The following TMCC1 variants were observed in gnomAD, a reference collection of about 807,000 sequenced individuals.
The protein encoded by TMCC1 is transmembrane and coiled-coil domains protein 1.
A neutral mutation model predicts 52.4 loss-of-function variants in TMCC1; 15 were observed. The observed-to-expected ratio is 0.29, with a 90% CI of 0.19 to 0.44. The LOEUF is 0.44. Among genes scored for constraint, TMCC1 ranks in the 20% least tolerant of loss-of-function variants. The pLI is 1.00. For synonymous variants in TMCC1, 279 were observed against 301.9 expected (o/e 0.92, Z 0.79); for missense variants, 503 against 806.0 (o/e 0.62, Z 4.55).
intron 4 of TMCC1, among the ~76,000 whole-genome samples, chr3:129,689,719 C>T (rs549964710): frequency 1.3e-5 from 2 of 152,270 alleles, no homozygotes; most frequent in South Asian, 2.1e-4. Flanking sequence ...GCCCTCTGAA[C>T]GGAATCCAAA....
intron 4 of TMCC1, among the ~76,000 whole-genome samples, chr3:129,758,580 TGGAGTATCTTTATGTTAGTATCATAAA>T (rs1259866506): frequency 1.3e-5 from 2 of 152,218 alleles, no homozygotes; most frequent in African/African-American, 4.8e-5. Flanking sequence ...AAGATGAGTC[TGGAGTATCTTTATGTTAGTATCATAAA>T]GTTAGTTTCC....
intron 4 of TMCC1, among the ~76,000 whole-genome samples, chr3:129,826,274 G>A (rs2058653620): frequency 6.6e-6 from 1 of 150,948 alleles, no homozygotes; most frequent in East Asian, 1.9e-4. Context: ...GGCTGAGGTG[G>A]ATGGATCACT....
chr3:129,860,300 G>T (rs1254275254), intron 2 of TMCC1, among the ~76,000 whole-genome samples: 15 of 151,936 alleles, frequency 9.9e-5, no homozygotes. Context: ...AAACTCCTGA[G>T]CTCCAGCAGT....
chr3:129,761,990 C>CAA (rs1179793010), intron 4 of TMCC1, among the ~76,000 whole-genome samples: 3,754 of 76,034 alleles, frequency 0.049, 522 homozygotes, highest in East Asian at 0.43. Flanking sequence ...GACTCTGTCT[C>CAA]AAAAAAAAAA....
intron 2 of TMCC1, chr3:129,867,133 T>A (rs2060691205): frequency 6.6e-6 from 1 of 152,110 alleles, no homozygotes; most frequent in Non-Finnish European, 1.5e-5. Flanking sequence ...CTTCTTCATT[T>A]CCTTTGTTTC....
At chr3:129,814,160 G>A (rs368243656) in intron 4 of TMCC1, among the ~76,000 whole-genome samples, 12 of 152,062 alleles carry the variant, frequency 7.9e-5, no homozygotes, top group East Asian at 1.9e-4. Flanking sequence ...AGACCTGAGC[G>A]TAAGGTTTAG....
At chr3:129,678,505 C>T (rs1297053453) in intron 4 of TMCC1, among the ~76,000 whole-genome samples, 2 of 150,960 alleles carry the variant, frequency 1.3e-5, no homozygotes, top group Non-Finnish European at 2.9e-5. Flanking sequence ...GGATTACAGG[C>T]GTGTGCCACC....
At chr3:129,720,961 G>A (rs1001052377) in intron 4 of TMCC1, among the ~76,000 whole-genome samples, 2 of 152,128 alleles carry the variant, frequency 1.3e-5, no homozygotes, top group Admixed American at 6.5e-5. Flanking sequence ...CTGAGTACCT[G>A]GGATTACAGG....
intron 2 of TMCC1, among the ~76,000 whole-genome samples, 195 bp from the exon 3 acceptor site, chr3:129,833,021 T>A (rs1560510761): frequency 6.6e-6 from 1 of 152,114 alleles, no homozygotes; most frequent in Non-Finnish European, 1.5e-5. Flanking sequence ...TAATCAAGAA[T>A]AATTATAATC....
rs376616139 is a variant in TMCC1 at position 129,680,155 on chromosome 3, T to C, written c.577-8891A>G. Reference sequence around the variant, plus strand: ...TTCTCGTTTTATTAAAAACATGTGTTAAATGCCCAAAATTATTTTTCTTCT... The same window carrying C: ...TTCTCGTTTTATTAAAAACATGTGTCAAATGCCCAAAATTATTTTTCTTCT... On this transcript the variant is annotated intron_variant, in intron 4 of 6. Coordinates refer to ENST00000393238, the MANE Select transcript of TMCC1 (RefSeq NM_001017395.5). Among the ~76,000 whole-genome samples, 89 of 152,332 alleles carry C rather than the reference T, an allele frequency of 5.8e-4. 1 individual carries two copies. The highest frequency in any genetic ancestry group is 5.2e-3 in the South Asian group (25 of 4,834).
At chr3:129,671,299 C>G in intron 4 of TMCC1, 35 bp from the exon 5 acceptor site, 1 of 1,562,684 alleles carries the variant, frequency 6.4e-7, no homozygotes, top group Non-Finnish European at 8.7e-7. Flanking sequence ...GTTAGAAGCC[C>G]AAGAGGACTA....
At chr3:129,653,085 T>C (rs757723969) in intron 6 of TMCC1, among the ~76,000 whole-genome samples, 100 of 152,344 alleles carry the variant, frequency 6.6e-4, no homozygotes, top group Non-Finnish European at 1.1e-3. Context: ...TTTTTTTCAT[T>C]CAACAGTGGG....
intron 4 of TMCC1, among the ~76,000 whole-genome samples, chr3:129,812,629 T>C (rs1005503185): frequency 6.6e-6 from 1 of 152,090 alleles, no homozygotes; most frequent in Admixed American, 6.6e-5. Flanking sequence ...GTAGAGACAC[T>C]AAGGTTATTG....
chr3:129,720,618 C>G (rs1267620424), intron 4 of TMCC1, among the ~76,000 whole-genome samples: 1 of 152,154 alleles, frequency 6.6e-6, no homozygotes, highest in Non-Finnish European at 1.5e-5. Flanking sequence ...GCAAGACCAG[C>G]CTAAGAACCA....
chr3:129,845,812 A>G (rs953075593), intron 2 of TMCC1, among the ~76,000 whole-genome samples: 4 of 152,230 alleles, frequency 2.6e-5, no homozygotes, highest in East Asian at 1.9e-4. Context: ...CTCACCCCCA[A>G]TAGAAAAATA....
intron 4 of TMCC1, among the ~76,000 whole-genome samples, chr3:129,822,497 T>C (rs1476764558): frequency 6.6e-6 from 1 of 152,206 alleles, no homozygotes; most frequent in Non-Finnish European, 1.5e-5. Flanking sequence ...AATCAGTCTT[T>C]GTCACTGCTC....
chr3:129,805,010 G>C lies in TMCC1; in HGVS notation c.576+22793C>G, dbSNP rs146941517. Among the ~76,000 whole-genome samples the C allele has an allele frequency of 7.1e-3, 1,076 of 152,222 alleles. 50 individuals carry two copies. The highest frequency in any genetic ancestry group is 0.061 in the Admixed American group (931 of 15,262). On this transcript the variant is annotated intron_variant, in intron 4 of 6. Coordinates refer to ENST00000393238, the MANE Select transcript of TMCC1 (RefSeq NM_001017395.5). ...CTTTTGTGAGCCAAAAACTGCTCCA[G>C]TATTGGCAATTTCACATGGTTCAAA...
chr3:129,747,936 A>T (rs1251208976), intron 4 of TMCC1, among the ~76,000 whole-genome samples: 1 of 152,222 alleles, frequency 6.6e-6, no homozygotes, highest in Non-Finnish European at 1.5e-5. Flanking sequence ...AACTGAATAC[A>T]ATCCAGGAAA....
rs150835874 is a variant in TMCC1 at position 129,772,905 on chromosome 3, T to C, written c.576+54898A>G. The stretch of plus-strand genomic sequence containing the variant: ...GTTACAACCTACTCTGTTGGTAAAA[T>C]AGTGAGAAAATAACACTCTCAGAAA... On this transcript the variant is annotated intron_variant, in intron 4 of 6. Coordinates refer to ENST00000393238, the MANE Select transcript of TMCC1 (RefSeq NM_001017395.5). 2.6e-3 allele frequency among the ~76,000 whole-genome samples: 399 copies of C among 152,182 alleles called. 1 individual carries two copies. In the Middle Eastern group the frequency reaches 0.034, roughly 13 times the overall value.
Sources: allele counts gnomAD v4.1 joint callset (sites outside exome capture counted in the v4.1 genomes callset), GRCh38; gene constraint gnomAD v4.1.1; transcripts MANE v1.5; gene names NCBI Gene and HGNC (gene_info 2026-07-23, HGNC 2026-07-21).